WASHC3: variants seen among roughly 807,000 people sequenced by gnomAD.
WASHC3 encodes WASH complex subunit CCDC53.
Under a neutral mutation model 26.1 loss-of-function variants are expected in WASHC3, and 24 were observed. The ratio of observed to expected loss-of-function variants is 0.92; its 90% CI spans 0.66 to 1.29. The LOEUF is 1.29. Among genes scored for constraint, WASHC3 ranks in the 50% most tolerant of loss-of-function variants. WASHC3 has a pLI of 0.00. For missense variants in WASHC3, 214 were observed against 229.6 expected (o/e 0.93, Z 0.44); for synonymous variants, 77 against 75.7 (o/e 1.02, Z -0.09).
chr12:102,016,850 TA>T (rs1369375124), intron 6 of WASHC3, among the ~76,000 whole-genome samples: 4 of 152,216 alleles, frequency 2.6e-5, no homozygotes, highest in Non-Finnish European at 4.4e-5. Flanking sequence ...TAAGTAGTAT[TA>T]CAAAATAGTT....
intron 2 of WASHC3, among the ~76,000 whole-genome samples, chr12:102,058,362 T>G (rs1878673589): frequency 1.3e-5 from 2 of 152,126 alleles, no homozygotes; most frequent in Non-Finnish European, 2.9e-5. Flanking sequence ...GGCAATGACT[T>G]TTTTTGGATA....
In WASHC3 at chr12:102,054,449, G is replaced by A. The variant is rs1459269977; in HGVS notation, c.150+6799C>T. ...TCCCAGCACTTTGGGATGCCAAGGC[G>A]GGAGGATCCCCTGAACTCAGGAGTT... is the stretch of plus-strand genomic sequence containing the variant. On this transcript the variant is annotated intron_variant, in intron 2 of 6. Transcript: ENST00000240079. Among the ~76,000 whole-genome samples the A allele has an allele frequency of 3.3e-5, 5 of 152,158 alleles. No individual in the cohort carries two copies. The East Asian group carries it at 7.7e-4, about 23-fold the overall frequency.
At chr12:102,048,649 T>A (rs112021165) in intron 2 of WASHC3, among the ~76,000 whole-genome samples, 8 of 149,598 alleles carry the variant, frequency 5.3e-5, no homozygotes, top group South Asian at 2.1e-4. Context: ...GTTTTTTTTT[T>A]AAATCACATC....
At chr12:102,048,638 AG>A (rs981196934) in intron 2 of WASHC3, among the ~76,000 whole-genome samples, 5 of 125,356 alleles carry the variant, frequency 4.0e-5, no homozygotes, top group African/African-American at 7.2e-5. Context: ...TAGAAATCAT[AG>A]TTTTTTTTTT....
chr12:102,017,345 G>A lies in WASHC3; in HGVS notation c.501-4153C>T, dbSNP rs373415989. Among the ~76,000 whole-genome samples, 19 of 152,222 alleles carry A rather than the reference G, an allele frequency of 1.2e-4. No homozygotes were observed. In the East Asian group the frequency reaches 3.3e-3, roughly 26 times the overall value. On this transcript the variant is annotated intron_variant, in intron 6 of 6. Transcript: ENST00000240079. ...ATATCCCTGTCCTTAAGCGATGCAC[G>A]GCTGTATATATACAAATAAGGCTGA... is the stretch of plus-strand genomic sequence containing the variant.
At chr12:102,055,199 G>T (rs535888798) in intron 2 of WASHC3, among the ~76,000 whole-genome samples, 1 of 152,162 alleles carries the variant, frequency 6.6e-6, no homozygotes. Flanking sequence ...TATCAGAAAC[G>T]AAAGAGATGT....
At chr12:102,054,669 A>G (rs1374943085) in intron 2 of WASHC3, among the ~76,000 whole-genome samples, 1 of 152,228 alleles carries the variant, frequency 6.6e-6, no homozygotes, top group African/African-American at 2.4e-5. Flanking sequence ...GCCACAAAAC[A>G]AATTTTAATA....
intron 6 of WASHC3, among the ~76,000 whole-genome samples, chr12:102,013,985 T>C (rs947897217): frequency 6.6e-6 from 1 of 152,060 alleles, no homozygotes; most frequent in African/African-American, 2.4e-5. Flanking sequence ...TTAGCCTCTA[T>C]TCACTCTTAC....
chr12:102,023,691 G>T (rs775559529), intron 6 of WASHC3, among the ~76,000 whole-genome samples: 7 of 152,136 alleles, frequency 4.6e-5, no homozygotes, highest in Non-Finnish European at 8.8e-5. Context: ...GTGGTGATAG[G>T]TTACATTGAG....
rs189947817 is a variant in WASHC3 at position 102,036,010 on chromosome 12, G to T, written c.435+3858C>A. On this transcript the variant is annotated intron_variant, in intron 5 of 6. Transcript: ENST00000240079. ...AAGAGAAAGAGAATCTGGATTCAGAGAAGGAAAAGCATGGAGCTTATATAG... is the reference window on the plus strand; with the variant it reads ...AAGAGAAAGAGAATCTGGATTCAGATAAGGAAAAGCATGGAGCTTATATAG... 1.5e-3 allele frequency among the ~76,000 whole-genome samples: 233 copies of T among 152,306 alleles called. 5 individuals carry two copies. Among genetic ancestry groups the T allele is most frequent in the Admixed American group, 0.015 (233 of 15,292 alleles).
At chr12:102,059,564 T>G (rs1281164960) in intron 2 of WASHC3, 2 of 152,144 alleles carry the variant, frequency 1.3e-5, no homozygotes, top group Non-Finnish European at 2.9e-5. Flanking sequence ...TTCTTTGATC[T>G]AGTTGTCAGT....
At chr12:102,028,528 G>A (rs1877293377) in intron 5 of WASHC3, among the ~76,000 whole-genome samples, 1 of 151,922 alleles carries the variant, frequency 6.6e-6, no homozygotes. Context: ...ATAATCCACA[G>A]GACGTCATTG....
At chr12:102,045,811 G>A (rs951912295) in intron 3 of WASHC3, among the ~76,000 whole-genome samples, 1 of 152,196 alleles carries the variant, frequency 6.6e-6, no homozygotes, top group South Asian at 2.1e-4. Context: ...CATGTTACTC[G>A]CATTATGCGT....
rs558989807 is a variant in WASHC3, at chr12:102,054,282, C to A, written c.150+6966G>T. Among the ~76,000 whole-genome samples the A allele has an allele frequency of 6.7e-4, 102 of 152,158 alleles. 1 individual carries two copies. Among genetic ancestry groups the A allele is most frequent in the Non-Finnish European group, 2.2e-4 (15 of 68,026 alleles). ...TGGACTAAATTCTCTGATCAAAAGA[C>A]ACAGATTGACTGAATAGATACAAAA... On this transcript the variant is annotated intron_variant, in intron 2 of 6. Coordinates refer to ENST00000240079, the MANE Select transcript of WASHC3 (RefSeq NM_016053.4).
chr12:102,036,611 A>C (rs1351010177), intron 5 of WASHC3, among the ~76,000 whole-genome samples: 2 of 152,204 alleles, frequency 1.3e-5, no homozygotes, highest in Non-Finnish European at 2.9e-5. Flanking sequence ...GCATATATGA[A>C]CCAATTACAT....
At chr12:102,034,136 T>C (rs1469425295) in intron 5 of WASHC3, among the ~76,000 whole-genome samples, 1 of 152,126 alleles carries the variant, frequency 6.6e-6, no homozygotes, top group Non-Finnish European at 1.5e-5. Flanking sequence ...TAGCCAGTGG[T>C]CAAATTTGCT....
intron 5 of WASHC3, among the ~76,000 whole-genome samples, chr12:102,036,047 T>C (rs1272183769): frequency 3.3e-5 from 5 of 152,164 alleles, no homozygotes; most frequent in Admixed American, 1.3e-4. Flanking sequence ...GAATGGTTTG[T>C]GGTTTTGTCT....
At chr12:102,050,518 C>T (rs1261863994) in intron 2 of WASHC3, 2 of 446,010 alleles carry the variant, frequency 4.5e-6, no homozygotes, top group Non-Finnish European at 8.9e-6. Context: ...TGACACATGC[C>T]TATAGTCCAA....
chr12:102,031,617 G>C (rs887162437), intron 5 of WASHC3, among the ~76,000 whole-genome samples: 4 of 152,042 alleles, frequency 2.6e-5, no homozygotes, highest in Non-Finnish European at 5.9e-5. Context: ...GCAAATCAAA[G>C]TCATTGGTCA....
Sources: allele counts gnomAD v4.1 joint callset (sites outside exome capture counted in the v4.1 genomes callset), GRCh38; gene constraint gnomAD v4.1.1; transcripts MANE v1.5; gene names NCBI Gene and HGNC (gene_info 2026-07-23, HGNC 2026-07-21).